SEC14L3: variants seen among roughly 807,000 people sequenced by gnomAD.
SEC14L3 encodes the protein SEC14 like lipid binding 3, also known as SEC14-like protein 3.
A neutral mutation model predicts 57.4 loss-of-function variants in SEC14L3; 56 were observed. The ratio of observed to expected loss-of-function variants is 0.97; its 90% confidence interval spans 0.79 to 1.22. SEC14L3 has a LOEUF of 1.22. Among genes scored for constraint, SEC14L3 ranks in the 50% most tolerant of loss-of-function variants. The pLI, the probability that SEC14L3 is intolerant of heterozygous loss-of-function variation, is 0.00. For missense variants in SEC14L3, 485 were observed against 511.7 expected (o/e 0.95, Z 0.50); for synonymous variants, 173 against 194.4 (o/e 0.89, Z 0.92).
intron 8 of SEC14L3, 77 bp downstream of exon 8, chr22:30,464,743 T>C (rs1264641629): frequency 7.8e-5 from 105 of 1,351,072 alleles, no homozygotes; most frequent in Non-Finnish European, 1.1e-4. Flanking sequence ...ATGTGTGGAG[T>C]TCTAGATGGG....
At chr22:30,469,499 A>C (rs1935533200) in intron 4 of SEC14L3, among the ~76,000 whole-genome samples, 2 of 152,206 alleles carry the variant, frequency 1.3e-5, no homozygotes, top group African/African-American at 4.8e-5. Context: ...ATCCGGGTAC[A>C]TGCCCTACAA....
Position 30,471,979 on chromosome 22 carries a change from G to A in SEC14L3, c.-21C>T. ...CTCATGGTGCTGGCTGGGGCTTGAG[G>A]AGTGGTGGCCACTATAGGCAAGAGG... On this transcript the variant is annotated 5_prime_UTR_variant, in exon 1 of 12. Coordinates refer to ENST00000215812, the MANE Select transcript of SEC14L3 (RefSeq NM_174975.5). 6.3e-7 allele frequency: 1 copy of A among 1,593,074 alleles called. No homozygotes were observed. The highest frequency in any genetic ancestry group is 8.5e-7 in the Non-Finnish European group (1 of 1,169,806).
At chr22:30,452,012 A>AAAAAGAAAAG (rs760890504) in intron 12 of SEC14L3, among the ~76,000 whole-genome samples, 21 of 141,348 alleles carry the variant, frequency 1.5e-4, no homozygotes, top group Admixed American at 9.4e-4. Context: ...AAAAAAAAGA[A>AAAAAGAAAAG]AAAAGAAAAG....
At chr22:30,464,948 TG>T (rs1935373553) in intron 7 of SEC14L3, 45 bp from the exon 8 acceptor site, 3 of 1,612,810 alleles carry the variant, frequency 1.9e-6, no homozygotes, top group Admixed American at 3.3e-5. Flanking sequence ...AGAATTACAT[TG>T]GGCAACCCCC....
rs755287508 is a variant in SEC14L3, at chr22:30,462,229, TG to T, written c.665-38del. 3.2e-6 allele frequency: 5 copies of T among 1,581,602 alleles called. No individual in the cohort carries two copies. The African/African-American group carries it at 5.4e-5, about 17-fold the overall frequency. On this transcript the variant is annotated intron_variant, in intron 8 of 11. Coordinates refer to ENST00000215812, the MANE Select transcript of SEC14L3 (RefSeq NM_174975.5). The stretch of plus-strand genomic sequence containing the variant: ...GGGATTCAAGGGTGGTTAGCAAGCA[TG>T]GGGGGCACCAATTAGCCTCCCACAC...
In SEC14L3 at chr22:30,461,405, C is replaced by G; in HGVS notation, c.986G>C (p.Arg329Pro). ...TAGAACATCTGTCATCTCCCCTGCCCGCTGTCGCTCCCCCATCTTGGTCTT... is the reference window on the plus strand; with the variant it reads ...TAGAACATCTGTCATCTCCCCTGCCGGCTGTCGCTCCCCCATCTTGGTCTT... ...FLKTKMGERQ[R>P]AGEMTDVLPS... is the part of the protein sequence containing the mutation. The change falls in exon 11 of 12, where the codon CGG becomes CCG. Residue 329 changes from arginine (R) to proline (P), a missense_variant. Coordinates refer to ENST00000215812, the MANE Select transcript of SEC14L3 (RefSeq NM_174975.5). 6.2e-7 allele frequency: 1 copy of G among 1,614,070 alleles called. No homozygotes were observed.
downstream of SEC14L3, among the ~76,000 whole-genome samples, chr22:30,459,078 C>T (rs1935172241): frequency 6.6e-6 from 1 of 152,110 alleles, no homozygotes; most frequent in African/African-American, 2.4e-5. Context: ...GATCTGCCAC[C>T]CAAGCTGTAA....
At chr22:30,459,062 G>A (rs966530785), downstream of SEC14L3, among the ~76,000 whole-genome samples, 1 of 152,034 alleles carries the variant, frequency 6.6e-6, no homozygotes, top group African/African-American at 2.4e-5. Flanking sequence ...CCTGCCCCAG[G>A]TCCTGGATCT....
chr22:30,468,851 G>T, intron 4 of SEC14L3, 155 bp from the exon 5 acceptor site: 3 of 1,556,150 alleles, frequency 1.9e-6, no homozygotes, highest in Non-Finnish European at 1.7e-6. Context: ...TGAGAAAGCT[G>T]AGGTCCTGCA....
At position 30,459,751 on chromosome 22, in the gene SEC14L3, T is replaced by G; in HGVS notation, c.*270A>C. The G allele has an allele frequency of 5.3e-6, 6 of 1,139,234 alleles. No individual in the cohort carries two copies. Among genetic ancestry groups the G allele is most frequent in the Non-Finnish European group, 6.5e-6 (6 of 922,928 alleles). 70.6% of individuals were successfully genotyped at this position (1,139,234 alleles called of 1,614,324 possible). A position where few individuals can be genotyped will look rare whatever the true frequency, so the allele number is the denominator to read the frequency against. The stretch of plus-strand genomic sequence containing the variant: ...TGAGGACAAAGGCTAGGGGATTCAT[T>G]TTGCTATTTATTGAGTTTCATGACA... On this transcript the variant is annotated 3_prime_UTR_variant, in exon 12 of 12. Transcript: ENST00000215812.
chr22:30,448,101 T>G (rs1378117947), exon 13 of SEC14L3: 1 of 152,190 alleles, frequency 6.6e-6, no homozygotes, highest in East Asian at 1.9e-4. Flanking sequence ...CAAGCCTCCC[T>G]TGGCCAGCTG....
chr22:30,468,231 A>T (rs1935482988), intron 5 of SEC14L3, among the ~76,000 whole-genome samples: 1 of 151,854 alleles, frequency 6.6e-6, no homozygotes, highest in Admixed American at 6.6e-5. Context: ...GTGAGCCAAG[A>T]TCACACCACT....
chr22:30,457,218 C>A (rs1935133666), downstream of SEC14L3, among the ~76,000 whole-genome samples: 1 of 152,124 alleles, frequency 6.6e-6, no homozygotes. Flanking sequence ...GGTGCTGCCA[C>A]CGTCTTCCAA....
At chr22:30,460,288 C>G (rs946244101) in intron 11 of SEC14L3, 146 bp from the exon 12 acceptor site, 2 of 1,471,276 alleles carry the variant, frequency 1.4e-6, no homozygotes, top group Non-Finnish European at 1.8e-6. Context: ...CTTCCCTTCC[C>G]CATGGGAACT....
At chr22:30,461,792 C>T in intron 9 of SEC14L3, 98 bp from the exon 10 acceptor site, 2 of 1,486,108 alleles carry the variant, frequency 1.3e-6, no homozygotes, top group Non-Finnish European at 9.1e-7. Context: ...GAAGTATCCT[C>T]TTCATCCTAG....
chr22:30,454,118 C>A (rs1195027283), intron 12 of SEC14L3, among the ~76,000 whole-genome samples: 1 of 152,150 alleles, frequency 6.6e-6, no homozygotes, highest in Non-Finnish European at 1.5e-5. Context: ...CTGCCCCGCA[C>A]CTCTGGGCAG....
intron 12 of SEC14L3, among the ~76,000 whole-genome samples, chr22:30,452,318 G>A (rs944011172): frequency 6.8e-6 from 1 of 147,622 alleles, no homozygotes; most frequent in Non-Finnish European, 1.5e-5. Context: ...GTGCAAACTC[G>A]GCTCACTGCA....
downstream of SEC14L3, among the ~76,000 whole-genome samples, chr22:30,454,668 TATA>T (rs1424779668): frequency 1.9e-3 from 193 of 103,180 alleles, no homozygotes; most frequent in African/African-American, 3.8e-3. Context: ...ATATATAATC[TATA>T]ATATTATTAT....
At chr22:30,451,788 G>A (rs191872019) in intron 12 of SEC14L3, among the ~76,000 whole-genome samples, 99 of 151,888 alleles carry the variant, frequency 6.5e-4, no homozygotes, top group East Asian at 6.0e-3. Flanking sequence ...CCAGGAGTTC[G>A]AGACCAGCCT....
Sources: gnomAD v4.1 joint callset for allele counts (sites outside exome capture counted in the v4.1 genomes callset) on GRCh38, gnomAD v4.1.1 for gene constraint, MANE v1.5 for transcripts, NCBI Gene and HGNC (gene_info 2026-07-23, HGNC 2026-07-21) for gene names.